SLC45A1: variants seen among roughly 807,000 people sequenced by gnomAD.
SLC45A1 encodes solute carrier family 45 member 1.
SLC45A1 carries 28 observed loss-of-function variants against 57.6 expected under a neutral mutation model. The ratio of observed to expected loss-of-function variants is 0.49; its 90% CI spans 0.36 to 0.67. The LOEUF is 0.67. SLC45A1 is among the 30% of genes least tolerant of loss of function. The pLI is 0.00. For missense variants in SLC45A1, 814 were observed against 1,041.5 expected, an observed-to-expected ratio of 0.78 and a Z score of 3.01; for synonymous variants, 459 against 471.5, an observed-to-expected ratio of 0.97 and a Z score of 0.34.
In SLC45A1 at chr1:8,343,980, C is replaced by A. The variant is rs372768588; in HGVS notation, c.2214C>A (p.Asp738Glu). The A allele has an allele frequency of 9.9e-6, 16 of 1,613,102 alleles. No homozygotes were observed. In the African/African-American group the frequency reaches 1.9e-4, roughly 19 times the overall value. ...AAATTCCTCCCAGCGACGCTGCAGA[C>A]GAGGAGCACCGGCCCCTCCTGCTGA... is the stretch of plus-strand genomic sequence containing the variant. Reference protein sequence around the residue: ...IYEIPPSDAADEEHRPLLLNV With the variant: ...IYEIPPSDAAEEEHRPLLLNV Residue 738 changes from aspartate (D) to glutamate (E), a missense_variant, in exon 9 of 9, where the codon GAC (aspartate) becomes GAA (glutamate). Physicochemically the swap from Asp to Glu is conservative, Grantham distance 45. Coordinates refer to ENST00000471889, the MANE Select transcript of SLC45A1 (RefSeq NM_001080397.3). This position sits in a 1 kb window ranked among gnomAD's most constrained non-coding sequence, Gnocchi z 7.7.
chr1:8,330,250 T>C lies in SLC45A1; in HGVS notation c.757T>C (p.Trp253Arg). 1 of 1,613,924 alleles carries C rather than the reference T, an allele frequency of 6.2e-7. No individual in the cohort carries two copies. The highest frequency in any genetic ancestry group is 1.1e-5 in the South Asian group (1 of 91,074). ...GFGYVVGGIHWDKTGFGRALG... is the reference protein window; with the variant it reads ...GFGYVVGGIHRDKTGFGRALG... ...TGGATACGTGGTCGGCGGAATCCACTGGGATAAAACGGGCTTCGGGAGGGC... is the reference window on the plus strand; with the variant it reads ...TGGATACGTGGTCGGCGGAATCCACCGGGATAAAACGGGCTTCGGGAGGGC... Residue 253 changes from tryptophan (W) to arginine (R), a missense_variant, in exon 5 of 9, where the codon TGG becomes CGG. By Grantham distance (101) the Trp-to-Arg change is moderately radical. Coordinates refer to ENST00000471889, the MANE Select transcript of SLC45A1 (RefSeq NM_001080397.3). The surrounding 1 kb of genome is among the most constrained non-coding windows in gnomAD (Gnocchi z 8.4).
At chr1:8,342,679 G>A (rs961170076) in intron 8 of SLC45A1, among the ~76,000 whole-genome samples, 4 of 152,082 alleles carry the variant, frequency 2.6e-5, no homozygotes, top group African/African-American at 9.7e-5. Context: ...TTAAAATGCT[G>A]CATTGAAATA....
rs199943786 is a variant in SLC45A1 at position 8,335,524 on chromosome 1, C to T, written c.1531C>T (p.Arg511Cys). The T allele has an allele frequency of 4.4e-6, 7 of 1,605,578 alleles. No homozygotes were observed. In the Admixed American group the frequency reaches 5.0e-5, roughly 11 times the overall value. Residue 511 changes from arginine to cysteine, a missense_variant, in exon 6 of 9, where the codon CGC (arginine) becomes TGC (cysteine). Arg to Cys is a radical substitution (Grantham distance 180). Coordinates refer to ENST00000471889, the MANE Select transcript of SLC45A1 (RefSeq NM_001080397.3). The surrounding 1 kb of genome is among the most constrained non-coding windows in gnomAD (Gnocchi z 4.1). ...ERAEQPLSVG[R>C]LCSTICNMPK... is the part of the protein sequence containing the mutation. Reference sequence around the variant, plus strand: ...CGCGGAGCAGCCTCTGTCCGTGGGGCGCCTCTGCTCCACCATCTGCAACAT... The same window carrying T: ...CGCGGAGCAGCCTCTGTCCGTGGGGTGCCTCTGCTCCACCATCTGCAACAT...
In SLC45A1 at chr1:8,338,012, C is replaced by A; in HGVS notation, c.1774+20C>A. ...ACTCAGGTACCCGCTGCCAGCCAGG[C>A]TGGCACGGCAGTGAGAGCTTTGGTT... On this transcript the variant is annotated intron_variant, in intron 7 of 8. Coordinates refer to ENST00000471889, the MANE Select transcript of SLC45A1 (RefSeq NM_001080397.3). 6.2e-7 allele frequency: 1 copy of A among 1,609,694 alleles called. No individual in the cohort carries two copies.
At chr1:8,333,394 C>T (rs1157256796) in intron 5 of SLC45A1, among the ~76,000 whole-genome samples, 1 of 150,650 alleles carries the variant, frequency 6.6e-6, no homozygotes, top group Non-Finnish European at 1.5e-5. Context: ...GCCTTGGCCT[C>T]CCAAAGTGCT....
At chr1:8,338,667 C>T (rs1026174899) in intron 7 of SLC45A1, among the ~76,000 whole-genome samples, 5 of 152,260 alleles carry the variant, frequency 3.3e-5, no homozygotes, top group South Asian at 2.1e-4. Context: ...CACGGGAAAC[C>T]GAGTGGGCGT....
chr1:8,333,215 C>T (rs1640472957), intron 5 of SLC45A1, among the ~76,000 whole-genome samples: 1 of 151,876 alleles, frequency 6.6e-6, no homozygotes, highest in Non-Finnish European at 1.5e-5. Context: ...ATGGGGCTTG[C>T]ACTGTTCATT....
At chr1:8,322,866 C>G (rs1206180300) in intron 1 of SLC45A1, among the ~76,000 whole-genome samples, 1 of 152,106 alleles carries the variant, frequency 6.6e-6, no homozygotes, top group Non-Finnish European at 1.5e-5. Context: ...CTGAGAGAAT[C>G]CTGGAACCCC....
In SLC45A1 at chr1:8,335,678, C is replaced by T. The variant is rs1011674220; in HGVS notation, c.1597+88C>T. ...CCTCCCAGGATGCCCCTGAGCCTCC[C>T]TTCCCAGAACCTTTCTGAGTTCACC... On this transcript the variant is annotated intron_variant, in intron 6 of 8. Transcript: ENST00000471889. This position sits in a 1 kb window ranked among gnomAD's most constrained non-coding sequence, Gnocchi z 4.1. 1.4e-6 allele frequency: 2 copies of T among 1,393,600 alleles called. No individual in the cohort carries two copies. The highest frequency in any genetic ancestry group is 1.5e-5 in the African/African-American group (1 of 68,614). The allele number at this position is 1,393,600 out of a possible 1,614,324, so 86.3% of individuals were successfully genotyped here.
intron 7 of SLC45A1, among the ~76,000 whole-genome samples, chr1:8,338,944 T>TGA (rs1336777718): frequency 2.0e-5 from 3 of 152,156 alleles, no homozygotes; most frequent in African/African-American, 4.8e-5. Context: ...ATCTCACTTG[T>TGA]GAGTCCATGG....
chr1:8,329,848 A>AG (rs1192564699), intron 4 of SLC45A1, among the ~76,000 whole-genome samples: 2 of 152,074 alleles, frequency 1.3e-5, no homozygotes, highest in East Asian at 3.9e-4. Flanking sequence ...CCTGAGCTGG[A>AG]GGGGCCCTCG....
At chr1:8,340,452 G>A (rs564259488) in intron 8 of SLC45A1, among the ~76,000 whole-genome samples, 81 of 152,126 alleles carry the variant, frequency 5.3e-4, no homozygotes, top group Non-Finnish European at 9.1e-4. Context: ...GTGAGCCACC[G>A]CACCCAGCCC....
intron 4 of SLC45A1, among the ~76,000 whole-genome samples, chr1:8,329,945 T>G (rs1246532442): frequency 6.6e-6 from 1 of 152,026 alleles, no homozygotes; most frequent in Non-Finnish European, 1.5e-5. Context: ...TGGAAGGGGA[T>G]GTAGGCAGGT....
rs1640168437 is a variant in SLC45A1 at position 8,325,459 on chromosome 1, A to G, written c.490+69A>G. 1 of 1,127,194 alleles carries G rather than the reference A, an allele frequency of 8.9e-7. No individual in the cohort carries two copies. The highest frequency in any genetic ancestry group is 1.3e-6 in the Non-Finnish European group (1 of 763,248). The allele number at this position is 1,127,194 out of a possible 1,614,324, so 69.8% of individuals were successfully genotyped here. A position where few individuals can be genotyped will look rare whatever the true frequency, so the allele number is the denominator to read the frequency against. On this transcript the variant is annotated intron_variant, in intron 3 of 8. Transcript: ENST00000471889. The surrounding 1 kb of genome is among the most constrained non-coding windows in gnomAD (Gnocchi z 6.3). ...AAGGCCCCAACTGCTTCCTTTTAGG[A>G]AAATTTTAAAAAATGTTGACCAAAG...
At chr1:8,324,821 A>C in intron 2 of SLC45A1, 95 bp downstream of exon 2, 1 of 1,226,176 alleles carries the variant, frequency 8.2e-7, no homozygotes, top group East Asian at 2.6e-5. Context: ...AGAAGGGAGG[A>C]TCAAGAGTTA....
At position 8,335,525 on chromosome 1, in the gene SLC45A1, G is replaced by C; in HGVS notation, c.1532G>C (p.Arg511Pro). 6.2e-7 allele frequency: 1 copy of C among 1,605,650 alleles called. No homozygotes were observed. ...ERAEQPLSVGRLCSTICNMPK... is the reference protein window; with the variant it reads ...ERAEQPLSVGPLCSTICNMPK... ...GCGGAGCAGCCTCTGTCCGTGGGGC[G>C]CCTCTGCTCCACCATCTGCAACATG... The change falls in exon 6 of 9, where the codon CGC becomes CCC. Residue 511 changes from arginine (R) to proline (P), a missense_variant. Arg to Pro is a moderately radical substitution (Grantham distance 103). Transcript: ENST00000471889. This position sits in a 1 kb window ranked among gnomAD's most constrained non-coding sequence, Gnocchi z 4.1.
At chr1:8,338,970 G>A (rs564984109) in intron 7 of SLC45A1, among the ~76,000 whole-genome samples, 2 of 152,282 alleles carry the variant, frequency 1.3e-5, no homozygotes, top group African/African-American at 4.8e-5. Context: ...CACCTCGGGT[G>A]TTGGGTTCCC....
chr1:8,320,734 C>CACACTT (rs1553149616), intron 1 of SLC45A1, among the ~76,000 whole-genome samples: 117 of 149,540 alleles, frequency 7.8e-4, no homozygotes, highest in African/African-American at 2.6e-3. Context: ...CACACACACA[C>CACACTT]CTGCCATATG....
At chr1:8,334,288 G>A (rs558735325) in intron 5 of SLC45A1, among the ~76,000 whole-genome samples, 25 of 152,354 alleles carry the variant, frequency 1.6e-4, no homozygotes, top group East Asian at 1.2e-3. Flanking sequence ...CTGTTCCTCC[G>A]CAGGCATGGG....
Sources: gnomAD v4.1 joint callset for allele counts (sites outside exome capture counted in the v4.1 genomes callset) on GRCh38, gnomAD v4.1.1 for gene constraint, Gnocchi (gnomAD v3.1) non-coding constraint, MANE v1.5 for transcripts, NCBI Gene and HGNC (gene_info 2026-07-23, HGNC 2026-07-21) for gene names.